The following HLA-F variants were observed in gnomAD, a reference collection of about 807,000 sequenced individuals.
HLA-F encodes HLA class I histocompatibility antigen, alpha chain F.
A neutral mutation model predicts 49.5 loss-of-function variants in HLA-F; 46 were observed. The ratio of observed to expected loss-of-function variants is 0.93; its 90% confidence interval spans 0.73 to 1.19. HLA-F has a LOEUF of 1.19. HLA-F is among the 50% of genes most tolerant of loss of function. HLA-F has a pLI of 0.00. For missense variants in HLA-F, 496 were observed against 579.6 expected (o/e 0.86, Z 1.48); for synonymous variants, 203 against 233.5 (o/e 0.87, Z 1.19).
At chr6:29,728,663 C>A (rs1025119351), downstream of HLA-F, 1 of 152,154 alleles carries the variant, frequency 6.6e-6, no homozygotes, top group Non-Finnish European at 1.5e-5. Context: ...AATATTTTGA[C>A]AAAAAATGCA....
chr6:29,727,951 C>T, downstream of HLA-F: 1 of 518,782 alleles, frequency 1.9e-6, no homozygotes, highest in Non-Finnish European at 3.8e-6. Flanking sequence ...CACTTTCCCT[C>T]TACAGGCCCA....
At chr6:29,728,606 C>T (rs117945236), downstream of HLA-F, 3 of 152,504 alleles carry the variant, frequency 2.0e-5, no homozygotes, top group East Asian at 1.9e-4. Context: ...GTAGGAACCA[C>T]ACAGGAAGGC....
downstream of HLA-F, among the ~76,000 whole-genome samples, chr6:29,730,028 C>CA (rs1776436068): frequency 6.6e-6 from 1 of 152,200 alleles, no homozygotes; most frequent in East Asian, 1.9e-4. Context: ...AGTAAAAACA[C>CA]AATTTCCATA....
chr6:29,736,171 C>T (rs775172214), intron 3 of HLA-F: 34 of 296,760 alleles, frequency 1.1e-4, no homozygotes, highest in Non-Finnish European at 2.0e-4. Context: ...GACCAAGCAA[C>T]CCATGAGCCA....
downstream of HLA-F, among the ~76,000 whole-genome samples, chr6:29,732,129 T>TG (rs1215863807): frequency 7.3e-4 from 74 of 101,902 alleles, no homozygotes; most frequent in Middle Eastern, 4.4e-3. Flanking sequence ...CATGCCCAGC[T>TG]AATTTTTTTT....
intron 6 of HLA-F, 78 bp downstream of exon 6, chr6:29,726,121 C>T: frequency 1.5e-6 from 2 of 1,370,138 alleles, no homozygotes; most frequent in Non-Finnish European, 2.1e-6. Flanking sequence ...ACCCACCCCA[C>T]AGTTCCTCTA....
intron 3 of HLA-F, among the ~76,000 whole-genome samples, chr6:29,732,798 A>T (rs1231585869): frequency 6.6e-6 from 1 of 152,332 alleles, no homozygotes; most frequent in South Asian, 2.1e-4. Flanking sequence ...AACTACTTGT[A>T]AAATAATACA....
In HLA-F at chr6:29,725,625, A is replaced by C. The variant is rs1474136457; in HGVS notation, c.1003+62A>C. ...GTCCCACTGGGGGTTGCAAGCCCCA[A>C]GTAGAAGTGTGCCCTGCCTCATTAC... On this transcript the variant is annotated intron_variant, in intron 5 of 6. Coordinates refer to ENST00000259951, the MANE Select transcript of HLA-F (RefSeq NM_001098479.2). The C allele has an allele frequency of 1.6e-5, 21 of 1,350,656 alleles. No individual in the cohort carries two copies. The East Asian group carries it at 4.8e-4, about 31-fold the overall frequency. 83.7% of individuals were successfully genotyped at this position (1,350,656 alleles called of 1,614,324 possible).
In HLA-F at chr6:29,725,514, G is replaced by C. The variant is rs917881281; in HGVS notation, c.954G>C (p.Val318=). The C allele has an allele frequency of 1.1e-5, 17 of 1,614,016 alleles. No homozygotes were observed. Among genetic ancestry groups the C allele is most frequent in the Non-Finnish European group, 1.4e-5 (17 of 1,179,908 alleles). Residue 318 remains valine (V), a synonymous_variant, in exon 5 of 7, where the codon GTG becomes GTC. Transcript: ENST00000259951. ...IVAGLVVLGA[V]VTGAVVAAVM... ...CTGGCCTTGTTGTCCTTGGAGCTGT[G>C]GTCACTGGAGCTGTGGTCGCTGCTG...
chr6:29,736,613 G>A, intron 3 of HLA-F: 1 of 330,976 alleles, frequency 3.0e-6, no homozygotes, highest in Non-Finnish European at 5.8e-6. Flanking sequence ...CCAGCCTCCA[G>A]GAAACACCAT....
Position 29,724,217 on chromosome 6 carries a change from G to A in HLA-F, c.379G>A (p.Asp127Asn), listed in dbSNP as rs1469350627. ...AATGAATGGCTGCGACATGGGGCCC[G>A]ACGGACGCCTCCTCCGCGGGTATCA... ...QGMNGCDMGP[D>N]GRLLRGYHQH... The change falls in exon 3 of 7, where the codon GAC becomes AAC. Residue 127 changes from aspartate (D) to asparagine (N), a missense_variant. Physicochemically the swap from Asp to Asn is conservative, Grantham distance 23. Coordinates refer to ENST00000259951, the MANE Select transcript of HLA-F (RefSeq NM_001098479.2). The A allele has an allele frequency of 1.9e-6, 3 of 1,613,190 alleles. No individual in the cohort carries two copies. The highest frequency in any genetic ancestry group is 2.2e-5 in the South Asian group (2 of 91,084).
intron 6 of HLA-F, 130 bp downstream of exon 6, chr6:29,726,173 C>T: frequency 9.7e-7 from 1 of 1,033,180 alleles, no homozygotes; most frequent in South Asian, 1.3e-5. Context: ...TTTTGTTCTA[C>T]CCCAATCACT....
At chr6:29,729,716 C>T (rs1178109208), downstream of HLA-F, among the ~76,000 whole-genome samples, 1 of 152,060 alleles carries the variant, frequency 6.6e-6, no homozygotes, top group Non-Finnish European at 1.5e-5. Flanking sequence ...AGAAAATGCA[C>T]AGAATGGGAG....
rs1295308129 is a variant in HLA-F, at chr6:29,723,737, C to G, written c.144C>G (p.Tyr48Ter). The G allele has an allele frequency of 8.1e-6, 13 of 1,612,150 alleles. No individual in the cohort carries two copies. The highest frequency in any genetic ancestry group is 1.0e-5 in the Non-Finnish European group (12 of 1,179,870). ...AGCCCCGCTACATCGCCGTGGAGTA[C>G]GTAGACGACACGCAATTCCTGCGGT... ...RGEPRYIAVE[Y>*]VDDTQFLRFD... The change falls in exon 2 of 7, where the codon TAC (tyrosine) becomes TAG (stop). Residue 48 changes from tyrosine to a stop codon, truncating the protein, a stop_gained. Coordinates refer to ENST00000259951, the MANE Select transcript of HLA-F (RefSeq NM_001098479.2). LOFTEE classifies it high-confidence loss of function.
rs761406720 is a variant in HLA-F at position 29,724,167 on chromosome 6, G to T, written c.335-6G>T. Reference sequence around the variant, plus strand: ...CTGGGCGGGGCTGACTGCGGGGACCGGCTAGGGTCTCACACCCTCCAGGGA... The same window carrying T: ...CTGGGCGGGGCTGACTGCGGGGACCTGCTAGGGTCTCACACCCTCCAGGGA... On this transcript the variant is annotated splice_region_variant and splice_polypyrimidine_tract_variant and intron_variant, in intron 2 of 6. Coordinates refer to ENST00000259951, the MANE Select transcript of HLA-F (RefSeq NM_001098479.2). 3.7e-6 allele frequency: 6 copies of T among 1,612,822 alleles called. No individual in the cohort carries two copies. The highest frequency in any genetic ancestry group is 4.5e-5 in the East Asian group (2 of 44,876).
Position 29,725,117 on chromosome 6 carries a change from G to A in HLA-F, c.697G>A (p.Glu233Lys), listed in dbSNP as rs768216108. ...RCWALGFYPA[E>K]ITLTWQRDGE... ...CTGGGCCCTGGGCTTCTACCCTGCG[G>A]AGATCACGCTGACCTGGCAGCGGGA... is the stretch of plus-strand genomic sequence containing the variant. The change falls in exon 4 of 7, where the codon GAG (glutamate) becomes AAG (lysine). Residue 233 changes from glutamate (E) to lysine (K), a missense_variant. Glu to Lys is a moderately conservative substitution (Grantham distance 56, BLOSUM62 1). Coordinates refer to ENST00000259951, the MANE Select transcript of HLA-F (RefSeq NM_001098479.2). 1 of 1,614,106 alleles carries A rather than the reference G, an allele frequency of 6.2e-7. No individual in the cohort carries two copies. Among genetic ancestry groups the A allele is most frequent in the South Asian group, 1.1e-5 (1 of 91,082 alleles).
Position 29,724,265 on chromosome 6 carries a change from G to A in HLA-F, c.427G>A (p.Asp143Asn). ...TCACCAGCACGCGTACGACGGCAAG[G>A]ATTACATCTCCCTGAACGAGGACCT... ...GYHQHAYDGK[D>N]YISLNEDLRS... The change falls in exon 3 of 7, where the codon GAT (aspartate) becomes AAT (asparagine). Residue 143 changes from aspartate to asparagine, a missense_variant. Coordinates refer to ENST00000259951, the MANE Select transcript of HLA-F (RefSeq NM_001098479.2). 1 of 1,613,294 alleles carries A rather than the reference G, an allele frequency of 6.2e-7. No homozygotes were observed. The highest frequency in any genetic ancestry group is 8.5e-7 in the Non-Finnish European group (1 of 1,180,034).
downstream of HLA-F, among the ~76,000 whole-genome samples, chr6:29,730,519 T>C (rs1384300605): frequency 1.3e-5 from 2 of 152,172 alleles, no homozygotes; most frequent in Non-Finnish European, 2.9e-5. Context: ...AATTGTACAC[T>C]GAAAAAGTGG....
chr6:29,735,213 A>G (rs1331454041), intron 3 of HLA-F: 1 of 149,730 alleles, frequency 6.7e-6, no homozygotes, highest in Non-Finnish European at 1.5e-5. Context: ...ACACATATAA[A>G]CACCAAAAAT....
Sources: allele counts gnomAD v4.1 joint callset (sites outside exome capture counted in the v4.1 genomes callset), GRCh38; gene constraint gnomAD v4.1.1; transcripts MANE v1.5; gene names NCBI Gene and HGNC (gene_info 2026-07-23, HGNC 2026-07-21).